Variants in FGGY observed in about 807,000 individuals in gnomAD.
FGGY encodes FGGY carbohydrate kinase domain containing, also known as FGGY carbohydrate kinase domain-containing protein.
In FGGY, 72 loss-of-function variants were observed where a neutral mutation model predicts 71.3. The observed-to-expected ratio is 1.01, with a 90% CI of 0.84 to 1.23. FGGY has a LOEUF of 1.23. Among genes scored for constraint, FGGY ranks in the 50% most tolerant of loss-of-function variants. FGGY has a pLI of 0.00. For missense variants in FGGY, 668 were observed against 682.3 expected, an observed-to-expected ratio of 0.98 and a Z score of 0.23; for synonymous variants, 251 against 250.3, an observed-to-expected ratio of 1.00 and a Z score of -0.02.
At chr1:59,390,357 G>C (rs76391865) in intron 5 of FGGY, among the ~76,000 whole-genome samples, 7,639 of 152,170 alleles carry the variant, frequency 0.05, 275 homozygotes, top group Non-Finnish European at 0.061. Context: ...TCCCCATAAA[G>C]TCATCAAGGA....
At chr1:59,428,112 A>T (rs1164339681) in intron 5 of FGGY, among the ~76,000 whole-genome samples, 1 of 152,190 alleles carries the variant, frequency 6.6e-6, no homozygotes, top group Non-Finnish European at 1.5e-5. Context: ...ATGAGACTTG[A>T]TGGTCATTTC....
intron 5 of FGGY, among the ~76,000 whole-genome samples, chr1:59,379,811 T>TC (rs951537426): frequency 2.0e-5 from 3 of 152,258 alleles, no homozygotes; most frequent in African/African-American, 7.2e-5. Flanking sequence ...TCTTTTTTTT[T>TC]CATTATACTT....
chr1:59,647,206 C>A (rs1055748989), intron 11 of FGGY, among the ~76,000 whole-genome samples: 1 of 152,084 alleles, frequency 6.6e-6, no homozygotes, highest in African/African-American at 2.4e-5. Flanking sequence ...TGTGCAGACC[C>A]AAGACAGGGT....
intron 7 of FGGY, among the ~76,000 whole-genome samples, chr1:59,516,184 A>G (rs1278953250): frequency 6.6e-6 from 1 of 152,142 alleles, no homozygotes; most frequent in African/African-American, 2.4e-5. Flanking sequence ...CTGGGTGCAA[A>G]TGTTTCCTTT....
rs1013814295 is a variant in FGGY at position 59,744,737 on chromosome 1, C to G, written c.1513-13194C>G. On this transcript the variant is annotated intron_variant, in intron 14 of 15. Coordinates refer to ENST00000303721, the MANE Select transcript of FGGY (RefSeq NM_018291.5). ...TCATTAATTCATTAATCCATTTACTCATTCATTTAATTCTTTCAACATGTA... is the reference window on the plus strand; with the variant it reads ...TCATTAATTCATTAATCCATTTACTGATTCATTTAATTCTTTCAACATGTA... 3.3e-5 allele frequency among the ~76,000 whole-genome samples: 5 copies of G among 152,344 alleles called. 1 individual carries two copies. The South Asian group carries it at 8.3e-4, about 25-fold the overall frequency.
chr1:59,380,191 A>G (rs1358158168), intron 5 of FGGY, among the ~76,000 whole-genome samples: 2 of 151,584 alleles, frequency 1.3e-5, no homozygotes, highest in African/African-American at 4.9e-5. Flanking sequence ...AATCCAGTCT[A>G]TCATTCATGG....
At chr1:59,449,819 A>G (rs995029462) in intron 5 of FGGY, among the ~76,000 whole-genome samples, 1 of 152,116 alleles carries the variant, frequency 6.6e-6, no homozygotes, top group Non-Finnish European at 1.5e-5. Context: ...AAAAAGAAAA[A>G]GTAATCTGGG....
chr1:59,397,052 A>T (rs1353635964), intron 5 of FGGY, among the ~76,000 whole-genome samples: 139 of 138,608 alleles, frequency 1.0e-3, no homozygotes, highest in African/African-American at 2.2e-3. Context: ...TTTTTTTTTT[A>T]AAAGAAAGGT....
At chr1:59,735,686 C>T (rs1431571573) in intron 14 of FGGY, among the ~76,000 whole-genome samples, 2 of 152,204 alleles carry the variant, frequency 1.3e-5, no homozygotes, top group Non-Finnish European at 2.9e-5. Context: ...GACCCACAAA[C>T]AGGTAAGATT....
At chr1:59,674,704 A>G (rs1044151353) in intron 14 of FGGY, among the ~76,000 whole-genome samples, 4 of 152,236 alleles carry the variant, frequency 2.6e-5, no homozygotes, top group Non-Finnish European at 1.5e-5. Flanking sequence ...GATAAATTGC[A>G]TAATTCTTAC....
At chr1:59,678,761 C>A (rs148605669) in intron 14 of FGGY, among the ~76,000 whole-genome samples, 11 of 152,180 alleles carry the variant, frequency 7.2e-5, no homozygotes, top group African/African-American at 2.6e-4. Flanking sequence ...CACCACCCCC[C>A]ACCCTTGAAA....
At chr1:59,754,093 T>C (rs978361964) in intron 14 of FGGY, among the ~76,000 whole-genome samples, 1 of 152,216 alleles carries the variant, frequency 6.6e-6, no homozygotes, top group Non-Finnish European at 1.5e-5. Flanking sequence ...CTCCAACATA[T>C]TAGCTTTTTT....
At chr1:59,369,742 C>T (rs1293401252) in intron 4 of FGGY, among the ~76,000 whole-genome samples, 1 of 152,136 alleles carries the variant, frequency 6.6e-6, no homozygotes, top group Non-Finnish European at 1.5e-5. Flanking sequence ...CAGACAGCAG[C>T]ATTCACGGTT....
chr1:59,538,903 A>C (rs191776787), intron 7 of FGGY, among the ~76,000 whole-genome samples: 1 of 151,384 alleles, frequency 6.6e-6, no homozygotes, highest in African/African-American at 2.4e-5. Flanking sequence ...CTAGATGAGG[A>C]GTTAGTACGT....
chr1:59,500,823 G>T (rs1394857517), intron 6 of FGGY, among the ~76,000 whole-genome samples: 1 of 152,108 alleles, frequency 6.6e-6, no homozygotes, highest in Non-Finnish European at 1.5e-5. Flanking sequence ...GTTCGTTGAG[G>T]ATAAGCAATT....
intron 14 of FGGY, among the ~76,000 whole-genome samples, chr1:59,708,947 T>C (rs2097774418): frequency 6.6e-6 from 1 of 152,234 alleles, no homozygotes; most frequent in Admixed American, 6.5e-5. Context: ...AAATTAAAAA[T>C]ACTTCTGATT....
At chr1:59,570,023 T>G (rs1308955021) in intron 8 of FGGY, among the ~76,000 whole-genome samples, 1 of 152,164 alleles carries the variant, frequency 6.6e-6, no homozygotes, top group African/African-American at 2.4e-5. Flanking sequence ...TGTCTCTAAT[T>G]TCCATTGTGA....
intron 5 of FGGY, among the ~76,000 whole-genome samples, chr1:59,396,680 G>T (rs1462313081): frequency 6.6e-6 from 1 of 152,182 alleles, no homozygotes; most frequent in African/African-American, 2.4e-5. Flanking sequence ...TGGAATCCCA[G>T]TTCAGTCTCT....
intron 7 of FGGY, among the ~76,000 whole-genome samples, chr1:59,527,452 G>A (rs2095022765): frequency 6.6e-6 from 1 of 152,140 alleles, no homozygotes; most frequent in African/African-American, 2.4e-5. Flanking sequence ...TGATTTCACT[G>A]TCTCATACCC....
Sources: gnomAD v4.1 joint callset for allele counts (sites outside exome capture counted in the v4.1 genomes callset) on GRCh38, gnomAD v4.1.1 for gene constraint, MANE v1.5 for transcripts, NCBI Gene and HGNC (gene_info 2026-07-23, HGNC 2026-07-21) for gene names.